MYO1D: variants seen among roughly 807,000 people sequenced by gnomAD.
MYO1D encodes myosin ID.
A neutral mutation model predicts 122.0 loss-of-function variants in MYO1D; 83 were observed. The observed-to-expected ratio is 0.68, with a 90% CI of 0.57 to 0.82. The LOEUF (loss-of-function observed/expected upper bound fraction) is 0.82. Ranked by LOEUF, MYO1D falls within the 40% of genes least tolerant of loss-of-function variation. The pLI, the probability that MYO1D is intolerant of heterozygous loss-of-function variation, is 0.00. For synonymous variants in MYO1D, 464 were observed against 446.9 expected, an observed-to-expected ratio of 1.04 and a Z score of -0.48; for missense variants, 1,157 against 1,269.5, an observed-to-expected ratio of 0.91 and a Z score of 1.35.
chr17:32,829,621 T>C (rs531844017), intron 1 of MYO1D, among the ~76,000 whole-genome samples: 3 of 152,312 alleles, frequency 2.0e-5, no homozygotes, highest in African/African-American at 4.8e-5. Context: ...GCGCAGCTAA[T>C]TTTTTTATAT....
At chr17:32,802,309 A>C (rs1283622603) in intron 1 of MYO1D, among the ~76,000 whole-genome samples, 1 of 152,242 alleles carries the variant, frequency 6.6e-6, no homozygotes, top group Non-Finnish European at 1.5e-5. Flanking sequence ...TGAGTACTTT[A>C]TTATGTCAAG....
chr17:32,859,657 A>C (rs529672208), intron 1 of MYO1D, among the ~76,000 whole-genome samples: 1 of 152,346 alleles, frequency 6.6e-6, no homozygotes, highest in Admixed American at 6.5e-5. Flanking sequence ...ATCAATTCAT[A>C]CGCAAGTATT....
chr17:32,522,081 CAAAAAAAAAAAAAAAA>C (rs35096680), intron 21 of MYO1D, among the ~76,000 whole-genome samples: 1 of 63,228 alleles, frequency 1.6e-5, no homozygotes, highest in Non-Finnish European at 2.8e-5. Flanking sequence ...GACTCTGTCT[CAAAAAAAAAAAAAAAA>C]AAAAAAAAAG....
intron 21 of MYO1D, among the ~76,000 whole-genome samples, chr17:32,526,247 A>G (rs2150870508): frequency 6.6e-6 from 1 of 152,324 alleles, no homozygotes; most frequent in South Asian, 2.1e-4. Flanking sequence ...GGCTCAGCAC[A>G]TAATAGCTCC....
chr17:32,733,883 C>T (rs2089667562), intron 14 of MYO1D, among the ~76,000 whole-genome samples: 1 of 152,086 alleles, frequency 6.6e-6, no homozygotes, highest in Non-Finnish European at 1.5e-5. Flanking sequence ...TAGTGGGCAC[C>T]TCATTCACCA....
chr17:32,803,389 G>A (rs2090477416), intron 1 of MYO1D, among the ~76,000 whole-genome samples: 2 of 151,996 alleles, frequency 1.3e-5, no homozygotes, highest in Admixed American at 1.3e-4. Flanking sequence ...CTCCTGATCT[G>A]CCCGCCTCGT....
At chr17:32,509,125 G>A (rs188438158) in intron 21 of MYO1D, among the ~76,000 whole-genome samples, 60 of 152,338 alleles carry the variant, frequency 3.9e-4, no homozygotes, top group Admixed American at 9.8e-4. Context: ...CGGAGCCATC[G>A]GTGGGCTGGG....
chr17:32,783,799 G>A (rs372298950), intron 1 of MYO1D, among the ~76,000 whole-genome samples: 2 of 152,076 alleles, frequency 1.3e-5, no homozygotes, highest in African/African-American at 2.4e-5. Flanking sequence ...TAATATAGTC[G>A]CTTACTCTGT....
At chr17:32,691,391 T>C (rs1004980074) in intron 16 of MYO1D, among the ~76,000 whole-genome samples, 1 of 151,300 alleles carries the variant, frequency 6.6e-6, no homozygotes, top group African/African-American at 2.4e-5. Flanking sequence ...TGAGAAATGT[T>C]GCAAAGAAAA....
chr17:32,712,120 A>T lies in MYO1D; in HGVS notation c.1989T>A (p.Ile663=), dbSNP rs934631741. The change falls in exon 16 of 22, where the codon ATT becomes ATA. Residue 663 remains isoleucine (I), a synonymous_variant. Transcript: ENST00000318217. The part of the protein sequence containing the change: ...PSDKEAVKKL[I]ERCGFQDDVA... ...CATCATCCTGAAAACCACACCGTTC[A>T]ATTAGTTTCTTGACAGCCTCTTTGT... 8.7e-6 allele frequency: 14 copies of T among 1,614,068 alleles called. No homozygotes were observed. In the Admixed American group the frequency reaches 2.3e-4, roughly 27 times the overall value.
At chr17:32,868,643 T>C (rs1017149915) in intron 1 of MYO1D, among the ~76,000 whole-genome samples, 1 of 152,192 alleles carries the variant, frequency 6.6e-6, no homozygotes, top group African/African-American at 2.4e-5. Context: ...CAGGAAGAGT[T>C]AGCATTAGTT....
At chr17:32,619,306 G>A (rs1203074169) in intron 20 of MYO1D, among the ~76,000 whole-genome samples, 1 of 152,036 alleles carries the variant, frequency 6.6e-6, no homozygotes, top group Non-Finnish European at 1.5e-5. Flanking sequence ...TATTGTTTTG[G>A]GCTTGGGAAT....
At chr17:32,510,768 C>T (rs181744798) in intron 21 of MYO1D, 9 of 152,298 alleles carry the variant, frequency 5.9e-5, no homozygotes, top group Admixed American at 4.6e-4. Context: ...CCTCCACCAA[C>T]ATCAGACTTG....
chr17:32,825,049 A>T (rs893747717), intron 1 of MYO1D, among the ~76,000 whole-genome samples: 1 of 152,248 alleles, frequency 6.6e-6, no homozygotes, highest in Non-Finnish European at 1.5e-5. Context: ...AGGATAAAAA[A>T]GTAAGCTAAA....
chr17:32,669,565 C>T (rs971162175), intron 16 of MYO1D, among the ~76,000 whole-genome samples: 2 of 152,158 alleles, frequency 1.3e-5, no homozygotes, highest in Admixed American at 6.5e-5. Context: ...AAATTGTATG[C>T]CTTTTCTCCA....
chr17:32,570,743 T>G (rs1432991261), intron 21 of MYO1D, among the ~76,000 whole-genome samples: 1 of 152,180 alleles, frequency 6.6e-6, no homozygotes, highest in Non-Finnish European at 1.5e-5. Context: ...CACAAACCTC[T>G]AAAAACTCAG....
At chr17:32,659,377 C>T (rs771649905) in intron 16 of MYO1D, 39 bp from the exon 17 acceptor site, 39 of 1,596,180 alleles carry the variant, frequency 2.4e-5, no homozygotes, top group South Asian at 5.5e-5. Flanking sequence ...CGTTATTGAC[C>T]GGCTGAGTTG....
intron 21 of MYO1D, among the ~76,000 whole-genome samples, chr17:32,599,113 C>CGGTGCT (rs1371293665): frequency 1.3e-5 from 2 of 152,178 alleles, no homozygotes; most frequent in East Asian, 3.8e-4. Flanking sequence ...CTATAGCATG[C>CGGTGCT]GGTGCTGTTT....
At chr17:32,549,006 C>T (rs972381465) in intron 21 of MYO1D, among the ~76,000 whole-genome samples, 2 of 152,210 alleles carry the variant, frequency 1.3e-5, no homozygotes, top group African/African-American at 4.8e-5. Context: ...AGCCACCGCG[C>T]CTGGCCGACT....
Sources: gnomAD v4.1 joint callset for allele counts (sites outside exome capture counted in the v4.1 genomes callset) on GRCh38, gnomAD v4.1.1 for gene constraint, MANE v1.5 for transcripts, NCBI Gene and HGNC (gene_info 2026-07-23, HGNC 2026-07-21) for gene names.